RPAP3: variants seen among roughly 807,000 people sequenced by gnomAD.
RPAP3 encodes the protein RNA polymerase II-associated protein 3.
A neutral mutation model predicts 88.8 loss-of-function variants in RPAP3; 58 were observed. That is an observed-to-expected ratio of 0.65 (90% CI 0.53 to 0.81). The LOEUF (loss-of-function observed/expected upper bound fraction) is 0.81, where lower values mean the gene tolerates loss of function less well. RPAP3 is among the 40% of genes least tolerant of loss of function. RPAP3 has a pLI of 0.00. For synonymous variants in RPAP3, 255 were observed against 259.9 expected, an observed-to-expected ratio of 0.98 and a Z score of 0.18; for missense variants, 751 against 764.3, an observed-to-expected ratio of 0.98 and a Z score of 0.20.
At chr12:47,664,902 T>C (rs974374332) in intron 16 of RPAP3, 1 of 152,076 alleles carries the variant, frequency 6.6e-6, no homozygotes. Context: ...TAGTAATATA[T>C]TACGAAGAGA....
rs1252199840 is a variant in RPAP3, at chr12:47,668,886, C to A, written c.1713+30G>T. ...CAGAAGTTCTCTGACCTTTTACTTA[C>A]AACAGAAGTACTACCTTCCTCTCTC... On this transcript the variant is annotated intron_variant, in intron 14 of 16. Coordinates refer to ENST00000005386, the MANE Select transcript of RPAP3 (RefSeq NM_024604.3). 1.1e-5 allele frequency: 17 copies of A among 1,556,032 alleles called. No homozygotes were observed. In the Admixed American group the frequency reaches 2.8e-4, roughly 26 times the overall value.
chr12:47,666,937 G>A, intron 16 of RPAP3, 43 bp downstream of exon 16: 4 of 973,912 alleles, frequency 4.1e-6, no homozygotes, highest in Non-Finnish European at 4.6e-6. Flanking sequence ...ATGAATACAG[G>A]AATGTACAAA....
chr12:47,669,448 T>C (rs1414397355), intron 13 of RPAP3, among the ~76,000 whole-genome samples: 1 of 152,110 alleles, frequency 6.6e-6, no homozygotes, highest in Non-Finnish European at 1.5e-5. Flanking sequence ...TTTCAAGATA[T>C]TCCAAAAAGG....
intron 4 of RPAP3, 40 bp downstream of exon 4, chr12:47,697,557 C>T (rs1463923462): frequency 6.4e-7 from 1 of 1,556,426 alleles, no homozygotes; most frequent in African/African-American, 1.4e-5. Context: ...TCAACATCTC[C>T]TGCTTACATG....
intron 5 of RPAP3, among the ~76,000 whole-genome samples, chr12:47,691,337 G>C (rs1939423894): frequency 6.6e-6 from 1 of 152,044 alleles, no homozygotes; most frequent in Non-Finnish European, 1.5e-5. Flanking sequence ...TTGAATACAA[G>C]ATTGCAGCAA....
At chr12:47,665,369 G>T (rs367942583) in intron 16 of RPAP3, among the ~76,000 whole-genome samples, 1 of 149,938 alleles carries the variant, frequency 6.7e-6, no homozygotes, top group South Asian at 2.1e-4. Flanking sequence ...CACCTGCCTC[G>T]GCCTCCCAAA....
At chr12:47,676,997 A>C (rs1011465236) in intron 12 of RPAP3, among the ~76,000 whole-genome samples, 14 of 152,242 alleles carry the variant, frequency 9.2e-5, no homozygotes, top group African/African-American at 3.4e-4. Flanking sequence ...TCCTCAATAA[A>C]ATACTGGCAA....
intron 12 of RPAP3, among the ~76,000 whole-genome samples, chr12:47,676,613 A>C (rs939168128): frequency 1.6e-4 from 24 of 152,358 alleles, no homozygotes; most frequent in Admixed American, 5.2e-4. Context: ...AGAATACTAC[A>C]AACACCTCTA....
chr12:47,682,540 G>C (rs981628455), intron 9 of RPAP3, among the ~76,000 whole-genome samples: 1 of 152,092 alleles, frequency 6.6e-6, no homozygotes, highest in Non-Finnish European at 1.5e-5. Flanking sequence ...TAATGTTTAT[G>C]ATTTGCTTTA....
At chr12:47,681,374 A>G (rs568561734) in intron 10 of RPAP3, among the ~76,000 whole-genome samples, 15 of 152,300 alleles carry the variant, frequency 9.8e-5, no homozygotes, top group African/African-American at 3.1e-4. Context: ...TTCGCTCAAC[A>G]ACACCGATTC....
chr12:47,666,315 A>C, intron 16 of RPAP3, among the ~76,000 whole-genome samples: 1 of 152,140 alleles, frequency 6.6e-6, no homozygotes, highest in Non-Finnish European at 1.5e-5. Flanking sequence ...ATCACCTGCC[A>C]CTCATTACTC....
chr12:47,685,055 A>G (rs923720495), intron 9 of RPAP3, among the ~76,000 whole-genome samples: 3 of 152,204 alleles, frequency 2.0e-5, no homozygotes, highest in Admixed American at 6.5e-5. Flanking sequence ...AATGCAGACA[A>G]TAGTATCTAT....
Position 47,690,500 on chromosome 12 carries a change from A to G in RPAP3, c.667+18T>C. 7.6e-6 allele frequency: 12 copies of G among 1,585,688 alleles called. No homozygotes were observed. The highest frequency in any genetic ancestry group is 1.0e-5 in the Non-Finnish European group (12 of 1,166,540). On this transcript the variant is annotated intron_variant, in intron 6 of 16. Coordinates refer to ENST00000005386, the MANE Select transcript of RPAP3 (RefSeq NM_024604.3). ...ATAACACTGTTAAAGAATTCTTTAG[A>G]GAGTGACTAGAAAATACCTTTTTTG...
chr12:47,670,028 C>G (rs1311723104), intron 13 of RPAP3, 79 bp downstream of exon 13: 6 of 926,178 alleles, frequency 6.5e-6, no homozygotes, highest in Non-Finnish European at 1.0e-5. Flanking sequence ...GAGTACAAAT[C>G]AGAAGTCTCA....
At chr12:47,693,382 C>A (rs1168430860) in intron 5 of RPAP3, among the ~76,000 whole-genome samples, 2 of 152,162 alleles carry the variant, frequency 1.3e-5, no homozygotes, top group Non-Finnish European at 2.9e-5. Flanking sequence ...TCAGAGATCA[C>A]CATAACAGAT....
At chr12:47,672,676 T>G (rs2136612297) in intron 12 of RPAP3, among the ~76,000 whole-genome samples, 2 of 152,312 alleles carry the variant, frequency 1.3e-5, no homozygotes, top group South Asian at 4.1e-4. Context: ...CAGCAATTTT[T>G]TTCCCTTCCC....
At chr12:47,693,586 T>C (rs559629562) in intron 5 of RPAP3, among the ~76,000 whole-genome samples, 7 of 152,212 alleles carry the variant, frequency 4.6e-5, no homozygotes, top group African/African-American at 1.7e-4. Context: ...AAACAAGGTA[T>C]GCCTATAATT....
At chr12:47,672,389 C>T (rs879842223) in intron 12 of RPAP3, among the ~76,000 whole-genome samples, 14 of 152,300 alleles carry the variant, frequency 9.2e-5, no homozygotes, top group African/African-American at 2.9e-4. Flanking sequence ...GTCACAAATA[C>T]GTGACTAAAA....
chr12:47,675,811 C>T (rs1198421944), intron 12 of RPAP3, among the ~76,000 whole-genome samples: 1 of 152,100 alleles, frequency 6.6e-6, no homozygotes, highest in African/African-American at 2.4e-5. Flanking sequence ...CTTTAACACC[C>T]CACTGTCAAT....
Sources: allele counts gnomAD v4.1 joint callset (sites outside exome capture counted in the v4.1 genomes callset), GRCh38; gene constraint gnomAD v4.1.1; transcripts MANE v1.5; gene names NCBI Gene and HGNC (gene_info 2026-07-23, HGNC 2026-07-21).